The following LY86 variants were observed in gnomAD, a reference collection of about 807,000 sequenced individuals.
LY86 encodes lymphocyte antigen 86.
LY86 carries 20 observed loss-of-function variants against 17.3 expected under a neutral mutation model. The ratio of observed to expected loss-of-function variants is 1.15; its 90% CI spans 0.81 to 1.68. The LOEUF is 1.68. LY86 is among the 40% of genes most tolerant of loss of function. LY86 has a pLI of 0.00. For missense variants in LY86, 200 were observed against 191.9 expected, an observed-to-expected ratio of 1.04 and a Z score of -0.25; for synonymous variants, 74 against 70.6, an observed-to-expected ratio of 1.05 and a Z score of -0.24.
At chr6:6,619,220 G>A (rs1761620335) in intron 1 of LY86, among the ~76,000 whole-genome samples, 1 of 152,140 alleles carries the variant, frequency 6.6e-6, no homozygotes, top group South Asian at 2.1e-4. Context: ...TGGCAGAATT[G>A]GCCATCAGCC....
rs75183614 is a variant in LY86, at chr6:6,621,256, T to G, written c.137-3670T>G. ...GAATTCCCAGAACGCCAACTCTGAT[T>G]AACTTTCCGATGTTATTGCTTCAGA... On this transcript the variant is annotated intron_variant, in intron 1 of 4. Transcript: ENST00000230568. 2.6e-5 allele frequency: 4 copies of G among 152,252 alleles called. No individual in the cohort carries two copies. In the East Asian group the frequency reaches 7.7e-4, roughly 29 times the overall value. The allele number at this position is 152,252 out of a possible 1,614,324, so 9.4% of individuals were successfully genotyped here. A position where few individuals can be genotyped will look rare whatever the true frequency, so the allele number is the denominator to read the frequency against.
rs572636779 is a variant in LY86, at chr6:6,625,941, C to T, written c.224-352C>T. Among the ~76,000 whole-genome samples the T allele has an allele frequency of 3.9e-5, 6 of 152,282 alleles. No homozygotes were observed. The East Asian group carries it at 5.8e-4, about 15-fold the overall frequency. ...GTATGTAGGCGTGACCACACCCCAC[C>T]GCCATCATGGGGAACAAATGATACT... On this transcript the variant is annotated intron_variant, in intron 2 of 4. Coordinates refer to ENST00000230568, the MANE Select transcript of LY86 (RefSeq NM_004271.4).
intron 1 of LY86, among the ~76,000 whole-genome samples, chr6:6,604,697 C>T (rs777756597): frequency 3.9e-5 from 6 of 152,104 alleles, no homozygotes; most frequent in Non-Finnish European, 8.8e-5. Flanking sequence ...GTTTATTAGC[C>T]AGAGATATCA....
chr6:6,653,870 C>T (rs1368705584), intron 4 of LY86, among the ~76,000 whole-genome samples: 1 of 152,232 alleles, frequency 6.6e-6, no homozygotes, highest in South Asian at 2.1e-4. Flanking sequence ...CCCACCTCCA[C>T]CTCTACTCCA....
intron 1 of LY86, among the ~76,000 whole-genome samples, chr6:6,608,105 AGT>A (rs1188098190): frequency 6.6e-6 from 1 of 152,232 alleles, no homozygotes; most frequent in African/African-American, 2.4e-5. Context: ...TAAAATCAAG[AGT>A]GAGACAAATT....
intron 3 of LY86, among the ~76,000 whole-genome samples, chr6:6,630,434 G>C (rs1222303659): frequency 1.3e-5 from 2 of 152,198 alleles, no homozygotes; most frequent in Admixed American, 6.5e-5. Flanking sequence ...CTCTGTTAAA[G>C]CTGCCTTGGT....
intron 3 of LY86, among the ~76,000 whole-genome samples, chr6:6,638,552 A>T (rs1455225884): frequency 1.3e-5 from 2 of 152,210 alleles, no homozygotes; most frequent in African/African-American, 4.8e-5. Context: ...ATAGCCACAC[A>T]TGCCTGGTGA....
chr6:6,632,965 C>T, intron 3 of LY86, among the ~76,000 whole-genome samples: 1 of 152,198 alleles, frequency 6.6e-6, no homozygotes, highest in East Asian at 1.9e-4. Context: ...GTCAAGTTCA[C>T]TCCAGTCTCT....
intron 3 of LY86, among the ~76,000 whole-genome samples, chr6:6,639,417 G>A (rs1024000708): frequency 6.6e-6 from 1 of 152,182 alleles, no homozygotes; most frequent in African/African-American, 2.4e-5. Context: ...TATAGCTGCT[G>A]TAACAAATCA....
At chr6:6,638,123 G>A (rs1258466467) in intron 3 of LY86, among the ~76,000 whole-genome samples, 1 of 152,176 alleles carries the variant, frequency 6.6e-6, no homozygotes, top group African/African-American at 2.4e-5. Context: ...CCAGACAGTA[G>A]CTACTGGCCC....
At chr6:6,607,607 A>T (rs973869598) in intron 1 of LY86, among the ~76,000 whole-genome samples, 1 of 152,226 alleles carries the variant, frequency 6.6e-6, no homozygotes, top group Non-Finnish European at 1.5e-5. Flanking sequence ...TTATTAAAAT[A>T]TCAGAGGCTT....
intron 1 of LY86, among the ~76,000 whole-genome samples, chr6:6,619,062 C>T (rs1390013050): frequency 2.0e-5 from 3 of 152,158 alleles, no homozygotes; most frequent in African/African-American, 7.2e-5. Context: ...ATGCATCATC[C>T]TCCTGTAAAG....
intron 4 of LY86, among the ~76,000 whole-genome samples, chr6:6,652,192 G>A (rs1296809474): frequency 1.3e-5 from 2 of 151,602 alleles, no homozygotes; most frequent in African/African-American, 4.8e-5. Context: ...AGCAAATATT[G>A]CCCAGTGTGA....
rs540232578 is a variant in LY86 at position 6,606,585 on chromosome 6, C to T, written c.136+17715C>T. ...CCCACGGAGCGGGGGGAGGCTCAGG[C>T]ATGGCGGGCTGCAGGTCCCTAGCCC... On this transcript the variant is annotated intron_variant, in intron 1 of 4. Transcript: ENST00000230568. 3.1e-4 allele frequency among the ~76,000 whole-genome samples: 47 copies of T among 152,328 alleles called. 1 individual carries two copies. The highest frequency in any genetic ancestry group is 2.9e-3 in the Admixed American group (45 of 15,310).
At chr6:6,608,844 T>C (rs571723354) in intron 1 of LY86, among the ~76,000 whole-genome samples, 1 of 152,382 alleles carries the variant, frequency 6.6e-6, no homozygotes, top group East Asian at 1.9e-4. Flanking sequence ...ACGGCTGTGA[T>C]TGTTCAACGG....
chr6:6,638,547 C>T (rs888598567), intron 3 of LY86, among the ~76,000 whole-genome samples: 1 of 152,150 alleles, frequency 6.6e-6, no homozygotes, highest in African/African-American at 2.4e-5. Context: ...TCCTAATAGC[C>T]ACACATGCCT....
chr6:6,597,692 G>T (rs981786155), intron 1 of LY86, among the ~76,000 whole-genome samples: 1 of 152,210 alleles, frequency 6.6e-6, no homozygotes, highest in Non-Finnish European at 1.5e-5. Context: ...ACCAGCCCCT[G>T]CATGGGACCC....
At chr6:6,608,412 C>T (rs1052468318) in intron 1 of LY86, among the ~76,000 whole-genome samples, 3 of 152,166 alleles carry the variant, frequency 2.0e-5, no homozygotes, top group South Asian at 2.1e-4. Context: ...TTATACGTAT[C>T]GACTACAATT....
chr6:6,601,794 G>C (rs1279199337), intron 1 of LY86, among the ~76,000 whole-genome samples: 2 of 152,204 alleles, frequency 1.3e-5, no homozygotes, highest in African/African-American at 4.8e-5. Context: ...TCTAAAGAGG[G>C]AAACTGCTGT....
Sources: gnomAD v4.1 joint callset for allele counts (sites outside exome capture counted in the v4.1 genomes callset) on GRCh38, gnomAD v4.1.1 for gene constraint, MANE v1.5 for transcripts, NCBI Gene and HGNC (gene_info 2026-07-23, HGNC 2026-07-21) for gene names.